Variants in CSPP1 observed in about 807,000 individuals in gnomAD.
CSPP1 encodes centrosome and spindle pole-associated protein 1.
In CSPP1, 126 loss-of-function variants were observed where a neutral mutation model predicts 164.4. The ratio of observed to expected loss-of-function variants is 0.77; its 90% CI spans 0.66 to 0.89. The LOEUF (loss-of-function observed/expected upper bound fraction) is 0.89. CSPP1 is among the 40% of genes least tolerant of loss of function. The pLI, the probability that CSPP1 is intolerant of heterozygous loss-of-function variation, is 0.00. For synonymous variants in CSPP1, 472 were observed against 476.7 expected, an observed-to-expected ratio of 0.99 and a Z score of 0.13; for missense variants, 1,395 against 1,449.8, an observed-to-expected ratio of 0.96 and a Z score of 0.61.
chr8:67,175,203 A>G (rs922371394), intron 25 of CSPP1, 93 bp from the exon 26 acceptor site: 2 of 885,872 alleles, frequency 2.3e-6, no homozygotes, highest in African/African-American at 3.4e-5. Context: ...TGATTTTGAA[A>G]TTAGGTTACT....
At chr8:67,093,732 A>G (rs1812104023) in intron 6 of CSPP1, 91 bp downstream of exon 6, 1 of 723,926 alleles carries the variant, frequency 1.4e-6, no homozygotes, top group Non-Finnish European at 2.2e-6. Context: ...TAGACATTTT[A>G]CTTTTTTTTG....
At chr8:67,189,000 C>G (rs1835457776) in intron 28 of CSPP1, among the ~76,000 whole-genome samples, 1 of 152,198 alleles carries the variant, frequency 6.6e-6, no homozygotes, top group African/African-American at 2.4e-5. Context: ...AGCGGCCCTC[C>G]ACCATCTTGG....
At position 67,171,208 on chromosome 8, in the gene CSPP1, G is replaced by A. The variant is rs191409904; in HGVS notation, c.2829-1208G>A. Among the ~76,000 whole-genome samples, 752 of 151,250 alleles carry A rather than the reference G, an allele frequency of 5.0e-3. 5 individuals are homozygous for A. Among genetic ancestry groups the A allele is most frequent in the Non-Finnish European group, 7.9e-3 (532 of 67,748 alleles). ...GAGGTCAAGAGATAGAGACCGTCCT[G>A]GCCAACATGGTGAAACCCCATCTTT... On this transcript the variant is annotated intron_variant, in intron 24 of 30. Transcript: ENST00000678616.
chr8:67,081,267 G>T (rs778220518), intron 3 of CSPP1, among the ~76,000 whole-genome samples: 1 of 132,568 alleles, frequency 7.5e-6, no homozygotes, highest in Non-Finnish European at 1.5e-5. Flanking sequence ...GTGGTCCAAG[G>T]TGTCCACTGT....
chr8:67,182,620 C>G (rs989038698), intron 28 of CSPP1, among the ~76,000 whole-genome samples: 2 of 152,214 alleles, frequency 1.3e-5, no homozygotes, highest in African/African-American at 4.8e-5. Flanking sequence ...CACAAAAGTT[C>G]CGATTTCTCT....
In CSPP1 at chr8:67,195,861, C is replaced by G. The variant is rs1344333023; in HGVS notation, c.*268C>G. ...GAACTGGATTGAACTACTATATGTGCATTATATTGAATTCTGCTTGTCATT... is the reference window on the plus strand; with the variant it reads ...GAACTGGATTGAACTACTATATGTGGATTATATTGAATTCTGCTTGTCATT... On this transcript the variant is annotated 3_prime_UTR_variant, in exon 31 of 31. Transcript: ENST00000678616. 2 of 353,126 alleles carry G rather than the reference C, an allele frequency of 5.7e-6. No individual in the cohort carries two copies. The highest frequency in any genetic ancestry group is 1.1e-4 in the East Asian group (2 of 18,104). The allele number at this position is 353,126 out of a possible 1,614,324, so 21.9% of individuals were successfully genotyped here. A position where few individuals can be genotyped will look rare whatever the true frequency, so the allele number is the denominator to read the frequency against.
intron 10 of CSPP1, among the ~76,000 whole-genome samples, chr8:67,112,644 A>G (rs1483963011): frequency 5.9e-5 from 9 of 152,160 alleles, no homozygotes; most frequent in Admixed American, 5.9e-4. Flanking sequence ...AATGTTGGAT[A>G]AGTCCTCTCT....
intron 30 of CSPP1, among the ~76,000 whole-genome samples, chr8:67,195,060 C>G (rs1029942516): frequency 2.6e-5 from 4 of 152,162 alleles, no homozygotes; most frequent in Non-Finnish European, 5.9e-5. Context: ...ATAAGACTAC[C>G]TACATTCCTC....
intron 30 of CSPP1, among the ~76,000 whole-genome samples, chr8:67,194,154 G>T (rs1429225799): frequency 6.6e-6 from 1 of 152,098 alleles, no homozygotes; most frequent in Admixed American, 6.5e-5. Context: ...CACCTAACAA[G>T]CTACCCTGCC....
chr8:67,093,976 C>A (rs1024402656), intron 6 of CSPP1, among the ~76,000 whole-genome samples: 1 of 150,360 alleles, frequency 6.7e-6, no homozygotes, highest in Non-Finnish European at 1.5e-5. Flanking sequence ...ATCAATTAGC[C>A]GGACATGGTG....
chr8:67,109,919 T>G (rs1239465809), intron 9 of CSPP1, among the ~76,000 whole-genome samples: 1 of 152,144 alleles, frequency 6.6e-6, no homozygotes, highest in Non-Finnish European at 1.5e-5. Flanking sequence ...AGTAAAGCTG[T>G]CTGTGCTACT....
intron 25 of CSPP1, 76 bp downstream of exon 25, chr8:67,172,631 T>C (rs1830698802): frequency 8.0e-7 from 1 of 1,255,888 alleles, no homozygotes; most frequent in Non-Finnish European, 1.1e-6. Flanking sequence ...AAGATCTTTG[T>C]ACCCTTTTTC....
chr8:67,167,335 C>T (rs1289305071), intron 24 of CSPP1, among the ~76,000 whole-genome samples: 12 of 126,492 alleles, frequency 9.5e-5, no homozygotes, highest in South Asian at 2.7e-4. Flanking sequence ...GATGGGGCGG[C>T]GGCTGGGCGG....
chr8:67,188,893 C>T (rs1835421467), intron 28 of CSPP1, among the ~76,000 whole-genome samples: 1 of 152,198 alleles, frequency 6.6e-6, no homozygotes, highest in African/African-American at 2.4e-5. Context: ...TCTAATAGAG[C>T]TTTAACATTC....
chr8:67,152,086 CAAA>C (rs1185447488), intron 18 of CSPP1, among the ~76,000 whole-genome samples: 6 of 58,140 alleles, frequency 1.0e-4, no homozygotes, highest in Admixed American at 3.5e-4. Context: ...GACTCCATCT[CAAA>C]AAAAAAAAAA....
intron 19 of CSPP1, among the ~76,000 whole-genome samples, 169 bp from the exon 20 acceptor site, chr8:67,158,278 C>T (rs928818947): frequency 7.9e-5 from 12 of 152,106 alleles, no homozygotes; most frequent in African/African-American, 2.9e-4. Flanking sequence ...AAGCTTTTAA[C>T]AGTACAGTAA....
chr8:67,095,767 A>T, intron 7 of CSPP1, 35 bp downstream of exon 7: 2 of 1,219,374 alleles, frequency 1.6e-6, no homozygotes, highest in South Asian at 2.9e-5. Flanking sequence ...TATTTGCTTA[A>T]TATAGCAAAT....
intron 9 of CSPP1, among the ~76,000 whole-genome samples, chr8:67,106,986 A>G (rs755718576): frequency 8.1e-4 from 122 of 151,260 alleles, no homozygotes; most frequent in Non-Finnish European, 1.2e-3. Flanking sequence ...TAAAGGCTAT[A>G]TTCTTTTTGT....
Position 67,105,887 on chromosome 8 carries a change from C to T in CSPP1, c.1023-18C>T. On this transcript the variant is annotated intron_variant, in intron 8 of 30. Transcript: ENST00000678616. ...CTGGATTTTAATTTACTCTTTTTCT[C>T]TGTCTTTTTTTCTTTAGTGCTCCAG... The T allele has an allele frequency of 1.4e-6, 2 of 1,405,004 alleles. No homozygotes were observed. The highest frequency in any genetic ancestry group is 2.0e-6 in the Non-Finnish European group (2 of 992,852). 87.0% of individuals were successfully genotyped at this position (1,405,004 alleles called of 1,614,324 possible). A position where few individuals can be genotyped will look rare whatever the true frequency, so the allele number is the denominator to read the frequency against.
Sources: gnomAD v4.1 joint callset for allele counts (sites outside exome capture counted in the v4.1 genomes callset) on GRCh38, gnomAD v4.1.1 for gene constraint, MANE v1.5 for transcripts, NCBI Gene and HGNC (gene_info 2026-07-23, HGNC 2026-07-21) for gene names.